Variants in PCNX2 observed in about 807,000 individuals in gnomAD.
PCNX2 encodes the protein pecanex 2, also known as pecanex-like protein 2.
Under a neutral mutation model 223.8 loss-of-function variants are expected in PCNX2, and 168 were observed. The ratio of observed to expected loss-of-function variants is 0.75; its 90% CI spans 0.66 to 0.85. PCNX2 has a LOEUF of 0.85. Among genes scored for constraint, PCNX2 ranks in the 40% least tolerant of loss-of-function variants. The pLI, the probability that PCNX2 is intolerant of heterozygous loss-of-function variation, is 0.00. For synonymous variants in PCNX2, 1,006 were observed against 1,052.6 expected, an observed-to-expected ratio of 0.96 and a Z score of 0.86; for missense variants, 2,507 against 2,675.5, an observed-to-expected ratio of 0.94 and a Z score of 1.39.
At chr1:233,307,394 T>A in the PCNX2 span, among the ~76,000 whole-genome samples, 1 of 152,144 alleles carries the variant, frequency 6.6e-6, no homozygotes, top group Non-Finnish European at 1.5e-5. Flanking sequence ...CTCCTCTCTC[T>A]CTTGCTCTCT....
chr1:233,156,474 G>C (rs763475875), intron 19 of PCNX2, among the ~76,000 whole-genome samples: 30 of 152,200 alleles, frequency 2.0e-4, no homozygotes, highest in Non-Finnish European at 4.3e-4. Context: ...CGTGAGCACT[G>C]GAGGAGGAGT....
At chr1:233,081,378 G>A (rs375882117) in intron 23 of PCNX2, among the ~76,000 whole-genome samples, 1 of 152,000 alleles carries the variant, frequency 6.6e-6, no homozygotes, top group African/African-American at 2.4e-5. Context: ...ATAAAAAGTT[G>A]CATCTGTATT....
intron 2 of PCNX2, 64 bp from the exon 3 acceptor site, chr1:233,262,229 T>C: frequency 6.3e-7 from 1 of 1,591,506 alleles, no homozygotes; most frequent in South Asian, 1.1e-5. Context: ...ATGACTCTTT[T>C]AGTACTAGTC....
intron 8 of PCNX2, among the ~76,000 whole-genome samples, chr1:233,243,517 T>C (rs1231711479): frequency 2.0e-5 from 3 of 152,186 alleles, no homozygotes; most frequent in African/African-American, 7.2e-5. Context: ...ACTCTAAAAT[T>C]ATCATACATG....
At position 233,001,183 on chromosome 1, in the gene PCNX2, T is replaced by TA. The variant is rs1670071375; in HGVS notation, c.5097+353dup. ...CGAGTAGCTGAGCGATAGTTTTTTC[T>TA]AAAAAAATAGGTTTGGCCAGGTGCA... is the stretch of plus-strand genomic sequence containing the variant. On this transcript the variant is annotated intron_variant, in intron 29 of 33. Coordinates refer to ENST00000258229, the MANE Select transcript of PCNX2 (RefSeq NM_014801.4). This position sits in a 1 kb window ranked among gnomAD's most constrained non-coding sequence, Gnocchi z 4.2. 1.3e-5 allele frequency among the ~76,000 whole-genome samples: 2 copies of TA among 152,002 alleles called. No homozygotes were observed. The highest frequency in any genetic ancestry group is 2.9e-5 in the Non-Finnish European group (2 of 67,988).
chr1:233,095,707 A>C, intron 22 of PCNX2, 48 bp downstream of exon 22: 1 of 1,467,292 alleles, frequency 6.8e-7, no homozygotes. Flanking sequence ...TTGCTTCCGT[A>C]AAATGTGAAT....
intron 25 of PCNX2, among the ~76,000 whole-genome samples, chr1:233,046,074 G>A (rs575276255): frequency 6.6e-6 from 1 of 152,224 alleles, no homozygotes; most frequent in Non-Finnish European, 1.5e-5. Flanking sequence ...GAGGAAGACA[G>A]GATACTTTCT....
chr1:233,241,205 C>G lies in PCNX2; in HGVS notation c.2223-4225G>C. On this transcript the variant is annotated intron_variant, in intron 8 of 33. Transcript: ENST00000258229. ...GTGACAGTAAAATTTGTGTGAGTAT[C>G]GGAGAAAAAGGCAGCAACACCGTGG... The G allele has an allele frequency of 8.1e-6, 8 of 985,354 alleles. No individual in the cohort carries two copies. In the South Asian group the frequency reaches 2.8e-4, roughly 35 times the overall value. 61.0% of individuals were successfully genotyped at this position (985,354 alleles called of 1,614,324 possible). A position where few individuals can be genotyped will look rare whatever the true frequency, so the allele number is the denominator to read the frequency against.
intron 1 of PCNX2, among the ~76,000 whole-genome samples, chr1:233,281,037 T>C (rs932192646): frequency 6.6e-6 from 1 of 152,210 alleles, no homozygotes; most frequent in African/African-American, 2.4e-5. Flanking sequence ...AGATATGCTG[T>C]TGTAAGAAGA....
At chr1:232,999,417 G>C (rs779098269) in intron 30 of PCNX2, 38 bp from the exon 31 acceptor site, 3 of 1,540,514 alleles carry the variant, frequency 1.9e-6, no homozygotes, top group African/African-American at 1.4e-5. Context: ...AAGGCAGAAG[G>C]CCTGTGTTTT....
rs369297015 is a variant in PCNX2 at position 233,225,010 on chromosome 1, A to C, written c.2504+2216T>G. 1.6e-4 allele frequency among the ~76,000 whole-genome samples: 25 copies of C among 151,756 alleles called. No homozygotes were observed. In the East Asian group the frequency reaches 4.7e-3, roughly 28 times the overall value. On this transcript the variant is annotated intron_variant, in intron 10 of 33. Transcript: ENST00000258229. The stretch of plus-strand genomic sequence containing the variant: ...AAATACCTAATGAATGTGGGGCTTA[A>C]AACCTAGATGACGAGTTGATAGGTG...
At chr1:233,282,625 C>A (rs138021551) in intron 1 of PCNX2, among the ~76,000 whole-genome samples, 382 of 152,268 alleles carry the variant, frequency 2.5e-3, no homozygotes, top group African/African-American at 8.6e-3. Context: ...ATCATTAAAT[C>A]CTATCAAAAT....
At chr1:233,166,400 GAC>G (rs1185630500) in intron 17 of PCNX2, among the ~76,000 whole-genome samples, 3 of 151,692 alleles carry the variant, frequency 2.0e-5, no homozygotes, top group African/African-American at 7.3e-5. Context: ...AAATAAATTG[GAC>G]ATCACAAAAA....
chr1:233,282,174 T>C (rs1376737152), intron 1 of PCNX2, among the ~76,000 whole-genome samples: 1 of 152,136 alleles, frequency 6.6e-6, no homozygotes, highest in African/African-American at 2.4e-5. Context: ...TTGCTCACAA[T>C]GGAAATGCTC....
At chr1:233,264,126 T>G (rs1660208663) in intron 1 of PCNX2, among the ~76,000 whole-genome samples, 1 of 152,096 alleles carries the variant, frequency 6.6e-6, no homozygotes, top group African/African-American at 2.4e-5. Context: ...ACGAAAAGAA[T>G]CACTGGGACC....
chr1:233,297,324 A>G (rs913352703), upstream of PCNX2, among the ~76,000 whole-genome samples: 1 of 152,236 alleles, frequency 6.6e-6, no homozygotes, highest in Admixed American at 6.5e-5. Flanking sequence ...AGCAAATGTA[A>G]GTCAAATATA....
intron 18 of PCNX2, among the ~76,000 whole-genome samples, 168 bp downstream of exon 18, chr1:233,161,103 T>C (rs796375960): frequency 1.1e-4 from 16 of 152,290 alleles, no homozygotes; most frequent in African/African-American, 3.8e-4. Flanking sequence ...AGTCACATCT[T>C]GGACATAACT....
intron 21 of PCNX2, among the ~76,000 whole-genome samples, chr1:233,130,049 C>A (rs576849357): frequency 2.0e-5 from 3 of 152,300 alleles, no homozygotes; most frequent in Admixed American, 6.5e-5. Context: ...ACGAACCCAC[C>A]TGCAGGAATG....
chr1:233,063,979 C>T (rs924549315), intron 23 of PCNX2, among the ~76,000 whole-genome samples: 1 of 151,678 alleles, frequency 6.6e-6, no homozygotes, highest in African/African-American at 2.4e-5. Context: ...TCCAATTTGT[C>T]TTTTTTTTCA....
Sources: gnomAD v4.1 joint callset for allele counts (sites outside exome capture counted in the v4.1 genomes callset) on GRCh38, gnomAD v4.1.1 for gene constraint, Gnocchi (gnomAD v3.1) non-coding constraint, MANE v1.5 for transcripts, NCBI Gene and HGNC (gene_info 2026-07-23, HGNC 2026-07-21) for gene names.